The following MTHFD1L variants were observed in gnomAD, a reference collection of about 807,000 sequenced individuals.
The protein encoded by MTHFD1L is methylenetetrahydrofolate dehydrogenase (NADP+ dependent) 1 like.
A neutral mutation model predicts 119.5 loss-of-function variants in MTHFD1L; 81 were observed. The observed-to-expected ratio is 0.68, with a 90% confidence interval of 0.57 to 0.82. The LOEUF (loss-of-function observed/expected upper bound fraction) is 0.82. Among genes scored for constraint, MTHFD1L ranks in the 40% least tolerant of loss-of-function variants. The pLI is 0.00. For synonymous variants in MTHFD1L, 430 were observed against 475.2 expected, an observed-to-expected ratio of 0.90 and a Z score of 1.24; for missense variants, 1,125 against 1,253.4, an observed-to-expected ratio of 0.90 and a Z score of 1.55.
In MTHFD1L at chr6:150,926,179, G is replaced by T; in HGVS notation, c.1140G>T (p.Glu380Asp). ...TPKAVDVLAK[E>D]IGLLADEIEI... ...AAGCTGTGGATGTCCTTGCCAAGGA[G>T]ATTGGATTGCTTGCAGATGAAATTG... Residue 380 changes from glutamate to aspartate, a missense_variant, in exon 11 of 28, where the codon GAG (glutamate) becomes GAT (aspartate). Coordinates refer to ENST00000367321, the MANE Select transcript of MTHFD1L (RefSeq NM_015440.5). This position sits in a 1 kb window ranked among gnomAD's most constrained non-coding sequence, Gnocchi z 4.3. 3 of 1,614,130 alleles carry T rather than the reference G, an allele frequency of 1.9e-6. No homozygotes were observed. Among genetic ancestry groups the T allele is most frequent in the Non-Finnish European group, 2.5e-6 (3 of 1,180,010 alleles).
In MTHFD1L at chr6:151,002,165, G is replaced by C. The variant is rs183817597; in HGVS notation, c.2126-7654G>C. On this transcript the variant is annotated intron_variant, in intron 20 of 27. Transcript: ENST00000367321. Reference sequence around the variant, plus strand: ...GACCAAGCAGCTCAGCTAGGGAAATGCTATGTGATCAGTTGATTGTTTGAT... The same window carrying C: ...GACCAAGCAGCTCAGCTAGGGAAATCCTATGTGATCAGTTGATTGTTTGAT... Among the ~76,000 whole-genome samples the C allele has an allele frequency of 2.3e-4, 35 of 152,226 alleles. 1 individual carries two copies. The highest frequency in any genetic ancestry group is 8.4e-4 in the African/African-American group (35 of 41,468).
chr6:151,041,069 C>T (rs1787029466), intron 26 of MTHFD1L, among the ~76,000 whole-genome samples: 1 of 151,960 alleles, frequency 6.6e-6, no homozygotes, highest in Non-Finnish European at 1.5e-5. Flanking sequence ...TCGCAGTGAG[C>T]GTCAGTGCAC....
intron 10 of MTHFD1L, among the ~76,000 whole-genome samples, chr6:150,925,426 A>G (rs1338514466): frequency 6.6e-6 from 1 of 152,148 alleles, no homozygotes; most frequent in Non-Finnish European, 1.5e-5. Flanking sequence ...CTCCTGTAAG[A>G]CGAGCAGTGG....
At chr6:151,073,127 CAG>C (rs1320113310) in intron 26 of MTHFD1L, among the ~76,000 whole-genome samples, 2 of 152,134 alleles carry the variant, frequency 1.3e-5, no homozygotes, top group African/African-American at 2.4e-5. Context: ...GAGTTGAAGA[CAG>C]AGCTGGGGAT....
Position 151,072,381 on chromosome 6 carries a change from C to T in MTHFD1L, c.2848-20086C>T, listed in dbSNP as rs185859595. Among the ~76,000 whole-genome samples the T allele has an allele frequency of 9.2e-5, 14 of 152,204 alleles. No homozygotes were observed. In the East Asian group the frequency reaches 2.5e-3, roughly 27 times the overall value. On this transcript the variant is annotated intron_variant, in intron 26 of 27. Transcript: ENST00000367321. ...ATATAATGCTTCTCATAATGTTACACTTTAATTAGATGCAGTTGAATAATA... is the reference window on the plus strand; with the variant it reads ...ATATAATGCTTCTCATAATGTTACATTTTAATTAGATGCAGTTGAATAATA...
Position 150,905,725 on chromosome 6 carries a change from A to G in MTHFD1L, c.856A>G (p.Thr286Ala). ...EIPLTWIQPG[T>A]TVLNCSHDFL... ...TCCCCTTACTTGGATACAACCAGGA[A>G]CTACTGTTCTCAACTGCTCCCATGA... Residue 286 changes from threonine (T) to alanine (A), a missense_variant, in exon 8 of 28, where the codon ACT becomes GCT. Coordinates refer to ENST00000367321, the MANE Select transcript of MTHFD1L (RefSeq NM_015440.5). The G allele has an allele frequency of 6.2e-7, 1 of 1,614,132 alleles. No homozygotes were observed. Among genetic ancestry groups the G allele is most frequent in the South Asian group, 1.1e-5 (1 of 91,080 alleles).
chr6:150,994,245 C>T (rs1779527293), intron 20 of MTHFD1L, among the ~76,000 whole-genome samples: 1 of 152,056 alleles, frequency 6.6e-6, no homozygotes, highest in Non-Finnish European at 1.5e-5. Flanking sequence ...CCAGCCATTG[C>T]ATCTGTATCC....
At chr6:151,070,731 C>T (rs1791862059) in intron 26 of MTHFD1L, among the ~76,000 whole-genome samples, 1 of 152,206 alleles carries the variant, frequency 6.6e-6, no homozygotes, top group South Asian at 2.1e-4. Context: ...GCCAGATTTG[C>T]TGTGTGGGTC....
chr6:150,894,893 G>A (rs1026085092), intron 7 of MTHFD1L, among the ~76,000 whole-genome samples: 5 of 152,170 alleles, frequency 3.3e-5, no homozygotes, highest in African/African-American at 7.2e-5. Flanking sequence ...TGAGGTGTAC[G>A]GTTGAAAATT....
chr6:151,000,284 C>G (rs1461651475), intron 20 of MTHFD1L, among the ~76,000 whole-genome samples: 2 of 151,378 alleles, frequency 1.3e-5, no homozygotes, highest in African/African-American at 4.9e-5. Context: ...TTGCAGTGAG[C>G]CGAGATCGTG....
In MTHFD1L at chr6:150,896,737, A is replaced by G. The variant is rs1325962264; in HGVS notation, c.780+8756A>G. Among the ~76,000 whole-genome samples, 5 of 152,300 alleles carry G rather than the reference A, an allele frequency of 3.3e-5. No homozygotes were observed. In the East Asian group the frequency reaches 7.7e-4, roughly 24 times the overall value. On this transcript the variant is annotated intron_variant, in intron 7 of 27. Coordinates refer to ENST00000367321, the MANE Select transcript of MTHFD1L (RefSeq NM_015440.5). ...AGCCAAAAAAACTTTATTAGACTTTATGCCATTCATTATACTTAGCAGTGT... is the reference window on the plus strand; with the variant it reads ...AGCCAAAAAAACTTTATTAGACTTTGTGCCATTCATTATACTTAGCAGTGT...
rs1247673239 is a variant in MTHFD1L, at chr6:150,971,953, C to G, written c.2020C>G (p.Pro674Ala). The change falls in exon 20 of 28, where the codon CCT becomes GCT. Residue 674 changes from proline to alanine, a missense_variant. Pro to Ala is a conservative substitution (Grantham distance 27). Transcript: ENST00000367321. ...TGCTTTTTCACTTCTCTAGGGGACA[C>G]CTGTGTTCGTGCATGCGGGCCCTTT... is the stretch of plus-strand genomic sequence containing the variant. ...PNLMQTLEGTPVFVHAGPFAN... is the reference protein window; with the variant it reads ...PNLMQTLEGTAVFVHAGPFAN... 4 of 1,614,012 alleles carry G rather than the reference C, an allele frequency of 2.5e-6. No homozygotes were observed. Among genetic ancestry groups the G allele is most frequent in the Non-Finnish European group, 3.4e-6 (4 of 1,179,932 alleles).
chr6:150,935,185 C>T, intron 11 of MTHFD1L: 21 of 1,612,050 alleles, frequency 1.3e-5, no homozygotes, highest in Non-Finnish European at 1.8e-5. Flanking sequence ...CTTTTCACTT[C>T]TGGGATGTAG....
intron 16 of MTHFD1L, among the ~76,000 whole-genome samples, chr6:150,950,436 A>G (rs1202165877): frequency 6.6e-6 from 1 of 152,206 alleles, no homozygotes; most frequent in Non-Finnish European, 1.5e-5. Flanking sequence ...CCCACAAACC[A>G]TGAGGTAGAG....
rs575973507 is a variant in MTHFD1L at position 150,938,598 on chromosome 6, G to A, written c.1394-101G>A. ...TTTGTTACTTCATCTTGGGTGTGAC[G>A]CCTCTCTGTTGGGTTTGGGGAGCTG... is the stretch of plus-strand genomic sequence containing the variant. On this transcript the variant is annotated intron_variant, in intron 12 of 27. Coordinates refer to ENST00000367321, the MANE Select transcript of MTHFD1L (RefSeq NM_015440.5). 4.2e-5 allele frequency: 51 copies of A among 1,203,056 alleles called. No homozygotes were observed. The Middle Eastern group carries it at 8.2e-4, about 19-fold the overall frequency. The allele number at this position is 1,203,056 out of a possible 1,614,324, so 74.5% of individuals were successfully genotyped here. A position where few individuals can be genotyped will look rare whatever the true frequency, so the allele number is the denominator to read the frequency against.
intron 20 of MTHFD1L, among the ~76,000 whole-genome samples, chr6:150,983,010 A>G (rs976910556): frequency 3.3e-5 from 5 of 152,118 alleles, no homozygotes; most frequent in South Asian, 4.1e-4. Context: ...GAACGCTTCT[A>G]TTGTTAGATT....
intron 17 of MTHFD1L, 101 bp from the exon 18 acceptor site, chr6:150,960,174 C>A: frequency 6.9e-7 from 1 of 1,449,622 alleles, no homozygotes; most frequent in Non-Finnish European, 9.2e-7. Context: ...GGTAGACTCT[C>A]TGGGCCTGTG....
intron 20 of MTHFD1L, among the ~76,000 whole-genome samples, chr6:150,992,310 ATC>A (rs1182103613): frequency 3.3e-5 from 5 of 152,188 alleles, no homozygotes; most frequent in Non-Finnish European, 7.3e-5. Context: ...TGTGTATACA[ATC>A]TGTTACATTT....
Position 150,954,321 on chromosome 6 carries a change from A to G in MTHFD1L, c.1727-1674A>G, listed in dbSNP as rs548943123. ...CAGTGTACTGGCTTTGTTTTGTTGC[A>G]TTGGTATTCACTAAACCAAACCTAA... On this transcript the variant is annotated intron_variant, in intron 16 of 27. Coordinates refer to ENST00000367321, the MANE Select transcript of MTHFD1L (RefSeq NM_015440.5). Among the ~76,000 whole-genome samples, 19 of 152,306 alleles carry G rather than the reference A, an allele frequency of 1.2e-4. 1 individual carries two copies. The South Asian group carries it at 3.9e-3, about 32-fold the overall frequency.
Sources: gnomAD v4.1 joint callset for allele counts (sites outside exome capture counted in the v4.1 genomes callset) on GRCh38, gnomAD v4.1.1 for gene constraint, Gnocchi (gnomAD v3.1) non-coding constraint, MANE v1.5 for transcripts, NCBI Gene and HGNC (gene_info 2026-07-23, HGNC 2026-07-21) for gene names.